KIAA1549L: variants seen among roughly 807,000 people sequenced by gnomAD.
KIAA1549L encodes UPF0606 protein KIAA1549L.
Under a neutral mutation model 160.7 loss-of-function variants are expected in KIAA1549L, and 88 were observed. The ratio of observed to expected loss-of-function variants is 0.55; its 90% CI spans 0.46 to 0.65. The LOEUF (loss-of-function observed/expected upper bound fraction) is 0.65, where lower values mean the gene tolerates loss of function less well. Among genes scored for constraint, KIAA1549L ranks in the 30% least tolerant of loss-of-function variants. The pLI, the probability that KIAA1549L is intolerant of heterozygous loss-of-function variation, is 0.00. For synonymous variants in KIAA1549L, 950 were observed against 976.7 expected, an observed-to-expected ratio of 0.97 and a Z score of 0.51; for missense variants, 2,258 against 2,437.5, an observed-to-expected ratio of 0.93 and a Z score of 1.55.
chr11:33,430,341 A>G (rs969800060), intron 1 of KIAA1549L, among the ~76,000 whole-genome samples: 1 of 151,256 alleles, frequency 6.6e-6, no homozygotes, highest in East Asian at 1.9e-4. Context: ...CTTTTCTGTA[A>G]TAAGTCATAT....
At chr11:33,649,728 G>T (rs2133415275) in intron 17 of KIAA1549L, among the ~76,000 whole-genome samples, 1 of 151,782 alleles carries the variant, frequency 6.6e-6, no homozygotes, top group African/African-American at 2.4e-5. Flanking sequence ...CTTCGATTCT[G>T]CCGCAACACT....
intron 1 of KIAA1549L, among the ~76,000 whole-genome samples, chr11:33,522,550 T>C (rs1021646817): frequency 6.6e-6 from 1 of 152,140 alleles, no homozygotes; most frequent in Non-Finnish European, 1.5e-5. Context: ...GAGAAAATGA[T>C]CAAGTACTGA....
chr11:33,464,509 T>TGCGTGTGC (rs1554980360), intron 1 of KIAA1549L, among the ~76,000 whole-genome samples: 1 of 139,762 alleles, frequency 7.2e-6, no homozygotes, highest in East Asian at 2.0e-4. Flanking sequence ...TGTGTGTGTG[T>TGCGTGTGC]GTGCGTGCGC....
At chr11:33,664,801 C>G in intron 20 of KIAA1549L, among the ~76,000 whole-genome samples, 1 of 152,228 alleles carries the variant, frequency 6.6e-6, no homozygotes, top group South Asian at 2.1e-4. Flanking sequence ...TGTTTATAAG[C>G]TCCCCAGCTT....
At chr11:33,547,576 C>A (rs1002228383) in intron 3 of KIAA1549L, among the ~76,000 whole-genome samples, 188 bp from the exon 4 acceptor site, 1 of 152,176 alleles carries the variant, frequency 6.6e-6, no homozygotes, top group Non-Finnish European at 1.5e-5. Context: ...ATGGCTAGGG[C>A]CTTCTTTCCT....
At chr11:33,429,709 A>T (rs1444817707) in intron 1 of KIAA1549L, among the ~76,000 whole-genome samples, 1 of 152,044 alleles carries the variant, frequency 6.6e-6, no homozygotes, top group Non-Finnish European at 1.5e-5. Flanking sequence ...TCTACCCTGA[A>T]CGTCCCCCTC....
intron 15 of KIAA1549L, among the ~76,000 whole-genome samples, chr11:33,611,405 G>A (rs1030977051): frequency 6.6e-6 from 1 of 152,210 alleles, no homozygotes; most frequent in East Asian, 1.9e-4. Context: ...AAGCTGGGAG[G>A]TGGGGCTGAA....
At position 33,430,027 on chromosome 11, in the gene KIAA1549L, C is replaced by A. The variant is rs201221601; in HGVS notation, c.238+53138C>A. 2.8e-5 allele frequency among the ~76,000 whole-genome samples: 4 copies of A among 140,442 alleles called. No homozygotes were observed. The East Asian group carries it at 8.6e-4, about 30-fold the overall frequency. The allele number at this position is 140,442 out of a possible 152,430, so 92.1% of individuals were successfully genotyped here. ...CTGCCCTCCCTTCCTTCCTTCCTTC[C>A]TTCCTTCCTTCCTTCCTTCCTCCCT... On this transcript the variant is annotated intron_variant, in intron 1 of 20. Coordinates refer to ENST00000658780, the MANE Select transcript of KIAA1549L (RefSeq NM_012194.3).
intron 1 of KIAA1549L, among the ~76,000 whole-genome samples, chr11:33,395,534 G>C (rs982750765): frequency 2.0e-5 from 3 of 151,934 alleles, no homozygotes; most frequent in African/African-American, 4.8e-5. Flanking sequence ...TGAAAAGAAG[G>C]CTATTTCTTT....
intron 1 of KIAA1549L, among the ~76,000 whole-genome samples, chr11:33,422,646 A>C (rs956923170): frequency 6.6e-6 from 1 of 150,388 alleles, no homozygotes; most frequent in African/African-American, 2.4e-5. Flanking sequence ...TTTAAAAATG[A>C]GATGGCAGTC....
At chr11:33,449,370 G>A (rs1851676244) in intron 1 of KIAA1549L, among the ~76,000 whole-genome samples, 1 of 152,094 alleles carries the variant, frequency 6.6e-6, no homozygotes, top group Non-Finnish European at 1.5e-5. Flanking sequence ...AATAGCAGAG[G>A]AAGATTCTCA....
chr11:33,560,858 G>A (rs1473730468), intron 7 of KIAA1549L, among the ~76,000 whole-genome samples: 1 of 152,108 alleles, frequency 6.6e-6, no homozygotes, highest in Non-Finnish European at 1.5e-5. Flanking sequence ...TTTGTTTAAT[G>A]GCAAGCTTTT....
intron 16 of KIAA1549L, among the ~76,000 whole-genome samples, chr11:33,627,779 A>T (rs1046806085): frequency 6.6e-6 from 1 of 151,416 alleles, no homozygotes; most frequent in Admixed American, 6.6e-5. Flanking sequence ...TTGTGTCTCT[A>T]TTTCCTTCAG....
At chr11:33,504,655 A>G (rs566313214) in intron 1 of KIAA1549L, among the ~76,000 whole-genome samples, 1 of 151,988 alleles carries the variant, frequency 6.6e-6, no homozygotes, top group South Asian at 2.1e-4. Flanking sequence ...TTTAGTAGAG[A>G]TGGGGTTTCA....
At chr11:33,563,924 C>T (rs1296996600) in intron 8 of KIAA1549L, among the ~76,000 whole-genome samples, 1 of 152,142 alleles carries the variant, frequency 6.6e-6, no homozygotes, top group Non-Finnish European at 1.5e-5. Context: ...CTTCATCTAC[C>T]CGTGTCTTGC....
At chr11:33,437,676 T>A (rs1851407987) in intron 1 of KIAA1549L, among the ~76,000 whole-genome samples, 1 of 152,218 alleles carries the variant, frequency 6.6e-6, no homozygotes, top group African/African-American at 2.4e-5. Context: ...CCACCTCCTA[T>A]TGGTGGGGCC....
intron 20 of KIAA1549L, chr11:33,665,234 GGTTT>G (rs1216527362): frequency 2.6e-5 from 4 of 152,306 alleles, no homozygotes; most frequent in African/African-American, 9.7e-5. Context: ...GTGAAAAGGA[GGTTT>G]ATTTAGTGTT....
At chr11:33,406,335 T>C (rs985439809) in intron 1 of KIAA1549L, among the ~76,000 whole-genome samples, 7 of 152,218 alleles carry the variant, frequency 4.6e-5, no homozygotes, top group African/African-American at 1.7e-4. Context: ...GATGGCTGGG[T>C]GGGGAGGGGG....
intron 1 of KIAA1549L, among the ~76,000 whole-genome samples, chr11:33,440,441 T>C (rs1339101642): frequency 6.6e-6 from 1 of 152,204 alleles, no homozygotes; most frequent in Non-Finnish European, 1.5e-5. Flanking sequence ...ATTTTGTTTC[T>C]TTATTAACTT....
Sources: gnomAD v4.1 joint callset for allele counts (sites outside exome capture counted in the v4.1 genomes callset) on GRCh38, gnomAD v4.1.1 for gene constraint, MANE v1.5 for transcripts, NCBI Gene and HGNC (gene_info 2026-07-23, HGNC 2026-07-21) for gene names.